The following ABCD3 variants were observed in gnomAD, a reference collection of about 807,000 sequenced individuals.
The protein encoded by ABCD3 is ATP binding cassette subfamily D member 3, also known as ATP-binding cassette sub-family D member 3.
Under a neutral mutation model 105.5 loss-of-function variants are expected in ABCD3, and 41 were observed. The ratio of observed to expected loss-of-function variants is 0.39; its 90% confidence interval spans 0.30 to 0.50. ABCD3 has a LOEUF of 0.50. ABCD3 is among the 20% of genes least tolerant of loss of function. The pLI is 0.84. For synonymous variants in ABCD3, 258 were observed against 269.0 expected, an observed-to-expected ratio of 0.96 and a Z score of 0.40; for missense variants, 622 against 806.3, an observed-to-expected ratio of 0.77 and a Z score of 2.77.
At chr1:94,447,239 C>A (rs1041402554) in intron 1 of ABCD3, among the ~76,000 whole-genome samples, 2 of 152,188 alleles carry the variant, frequency 1.3e-5, no homozygotes, top group Non-Finnish European at 2.9e-5. Context: ...ATAGCTCCAA[C>A]ATTTTCTCCT....
chr1:94,432,634 CGAA>C (rs1043966971), intron 1 of ABCD3: 36 of 152,062 alleles, frequency 2.4e-4, no homozygotes, highest in African/African-American at 8.7e-4. Flanking sequence ...TCCTTAAGTT[CGAA>C]TTAACCATGT....
chr1:94,391,993 C>A, the ABCD3 span, among the ~76,000 whole-genome samples: 8 of 152,000 alleles, frequency 5.3e-5, no homozygotes, highest in African/African-American at 1.9e-4. Context: ...AAGGGAGTGG[C>A]CTTTGGTCCT....
chr1:94,435,687 G>C (rs1002942689), intron 1 of ABCD3, among the ~76,000 whole-genome samples: 8 of 152,220 alleles, frequency 5.3e-5, no homozygotes, highest in Non-Finnish European at 1.2e-4. Flanking sequence ...TGCTTCCACA[G>C]AAAGAAACCT....
the ABCD3 span, chr1:94,406,442 T>A: frequency 2.6e-6 from 1 of 384,302 alleles, no homozygotes. Context: ...CAGGTTCCTT[T>A]CCAGTTTTTC....
At chr1:94,452,405 T>C (rs945302930) in intron 1 of ABCD3, among the ~76,000 whole-genome samples, 1 of 152,200 alleles carries the variant, frequency 6.6e-6, no homozygotes, top group Admixed American at 6.5e-5. Flanking sequence ...GGTCAAATAA[T>C]TCAGTTTCAC....
chr1:94,494,435 A>G (rs1649698214), intron 16 of ABCD3, among the ~76,000 whole-genome samples: 1 of 152,156 alleles, frequency 6.6e-6, no homozygotes, highest in Admixed American at 6.6e-5. Context: ...TCTAAAGTAG[A>G]CCTGGGTTTC....
intron 9 of ABCD3, among the ~76,000 whole-genome samples, chr1:94,481,334 A>G (rs368490218): frequency 2.4e-4 from 37 of 152,306 alleles, no homozygotes; most frequent in African/African-American, 8.9e-4. Flanking sequence ...GCATTTGCAA[A>G]TGACAGTTCC....
chr1:94,448,655 G>A (rs1660452269), intron 1 of ABCD3, among the ~76,000 whole-genome samples: 1 of 152,206 alleles, frequency 6.6e-6, no homozygotes, highest in African/African-American at 2.4e-5. Flanking sequence ...GCTCAGTTAT[G>A]TTTTCTTCTG....
chr1:94,396,612 CGCGCGCGCACGTGCGTGTGTGT>C, the ABCD3 span, among the ~76,000 whole-genome samples: 12 of 143,888 alleles, frequency 8.3e-5, no homozygotes, highest in East Asian at 5.9e-4. Flanking sequence ...TGTGTGTGTG[CGCGCGCGCACGTGCGTGTGTGT>C]TTATAGAACA....
intron 1 of ABCD3, among the ~76,000 whole-genome samples, chr1:94,434,287 G>A (rs1432356923): frequency 2.0e-5 from 3 of 152,134 alleles, no homozygotes; most frequent in African/African-American, 4.8e-5. Flanking sequence ...TCATATGATA[G>A]CAGTACCTTC....
chr1:94,435,995 G>T (rs1659887563), intron 1 of ABCD3, among the ~76,000 whole-genome samples: 1 of 152,170 alleles, frequency 6.6e-6, no homozygotes, highest in Admixed American at 6.5e-5. Flanking sequence ...ATCTTTGATA[G>T]CTTCCTTGCT....
At chr1:94,516,438 T>G (rs142817475) in intron 22 of ABCD3, among the ~76,000 whole-genome samples, 1 of 152,058 alleles carries the variant, frequency 6.6e-6, no homozygotes, top group African/African-American at 2.4e-5. Flanking sequence ...AGCCAAGCCT[T>G]TATGTTTTCT....
chr1:94,517,550 G>GT lies in ABCD3; in HGVS notation c.*424dup, dbSNP rs1650976806. 1 of 198,446 alleles carries GT rather than the reference G, an allele frequency of 5.0e-6. No individual in the cohort carries two copies. The highest frequency in any genetic ancestry group is 5.4e-5 in the Admixed American group (1 of 18,474). The allele number at this position is 198,446 out of a possible 1,614,324, so 12.3% of individuals were successfully genotyped here. Reference sequence around the variant, plus strand: ...TCCTGTTCTAGCAAGATAGTCTTCAGTTTCATTTTCCTGTGCCCTGTGGTA... The same window carrying GT: ...TCCTGTTCTAGCAAGATAGTCTTCAGTTTTCATTTTCCTGTGCCCTGTGGTA... On this transcript the variant is annotated 3_prime_UTR_variant, in exon 23 of 23. Transcript: ENST00000370214.
intron 1 of ABCD3, among the ~76,000 whole-genome samples, chr1:94,434,497 C>T (rs1211697804): frequency 6.6e-6 from 1 of 152,166 alleles, no homozygotes; most frequent in Non-Finnish European, 1.5e-5. Flanking sequence ...GCAGTAGTTT[C>T]ATCACCACAT....
intron 1 of ABCD3, among the ~76,000 whole-genome samples, chr1:94,445,479 C>T (rs1313795145): frequency 6.6e-6 from 1 of 152,132 alleles, no homozygotes; most frequent in Non-Finnish European, 1.5e-5. Flanking sequence ...GTTCGTTCCA[C>T]CTTGGAACCT....
chr1:94,483,481 TA>T, intron 10 of ABCD3, among the ~76,000 whole-genome samples: 1 of 152,296 alleles, frequency 6.6e-6, no homozygotes, highest in Non-Finnish European at 1.5e-5. Flanking sequence ...ATAGATTTAT[TA>T]AAATAATATT....
At chr1:94,513,957 TAGA>T (rs1341561002) in intron 21 of ABCD3, 3 of 152,088 alleles carry the variant, frequency 2.0e-5, no homozygotes, top group Non-Finnish European at 4.4e-5. Flanking sequence ...TATTACACAT[TAGA>T]AGTTTTATTT....
At chr1:94,410,617 A>G in the ABCD3 span, among the ~76,000 whole-genome samples, 3 of 152,162 alleles carry the variant, frequency 2.0e-5, no homozygotes, top group Non-Finnish European at 2.9e-5. Context: ...CTTTAGCTGA[A>G]TAGTGCACAG....
At chr1:94,494,745 A>G (rs529609144) in intron 16 of ABCD3, among the ~76,000 whole-genome samples, 90 of 152,314 alleles carry the variant, frequency 5.9e-4, no homozygotes, top group Non-Finnish European at 1.0e-3. Flanking sequence ...AGACATATTT[A>G]TCTGTCTAGA....
Sources: gnomAD v4.1 joint callset for allele counts (sites outside exome capture counted in the v4.1 genomes callset) on GRCh38, gnomAD v4.1.1 for gene constraint, MANE v1.5 for transcripts, NCBI Gene and HGNC (gene_info 2026-07-23, HGNC 2026-07-21) for gene names.